ADAR: variants seen among roughly 807,000 people sequenced by gnomAD.
ADAR encodes adenosine deaminase RNA specific, also known as double-stranded RNA-specific adenosine deaminase.
In ADAR, 41 loss-of-function variants were observed where a neutral mutation model predicts 113.2. That is an observed-to-expected ratio of 0.36 (90% confidence interval 0.28 to 0.47). The LOEUF is 0.47. Among genes scored for constraint, ADAR ranks in the 20% least tolerant of loss-of-function variants. The probability of loss-of-function intolerance (pLI) is 1.00; values close to 1 mark genes in which losing one functional copy is unlikely to be tolerated. For missense variants in ADAR, 1,242 were observed against 1,540.9 expected (o/e 0.81, Z 3.25); for synonymous variants, 605 against 572.6 (o/e 1.06, Z -0.81).
intron 4 of ADAR, 129 bp from the exon 5 acceptor site, chr1:154,597,396 T>C: frequency 8.8e-7 from 1 of 1,135,314 alleles, no homozygotes; most frequent in Non-Finnish European, 1.3e-6. Flanking sequence ...TGCAGTCACA[T>C]CTCATGCAGT....
chr1:154,585,365 G>C lies in ADAR; in HGVS notation c.3316-21C>G, dbSNP rs183396506. 20 of 1,613,952 alleles carry C rather than the reference G, an allele frequency of 1.2e-5. No homozygotes were observed. The South Asian group carries it at 2.2e-4, about 18-fold the overall frequency. ...CCAACCTAGGAATCCCAGAAGCAAC[G>C]GGAGAAAGATGGAAACCTTTCAGGA... On this transcript the variant is annotated intron_variant, in intron 13 of 14. Transcript: ENST00000368474.
At chr1:154,587,246 G>A (rs988797825) in intron 11 of ADAR, among the ~76,000 whole-genome samples, 5 of 152,210 alleles carry the variant, frequency 3.3e-5, no homozygotes, top group African/African-American at 7.2e-5. Context: ...CATACAATAT[G>A]TGATCTTTTG....
At chr1:154,604,722 G>T (rs992618350) in intron 1 of ADAR, among the ~76,000 whole-genome samples, 1 of 151,654 alleles carries the variant, frequency 6.6e-6, no homozygotes, top group Non-Finnish European at 1.5e-5. Flanking sequence ...CTGTATTAAC[G>T]GATCCACCCT....
rs746559274 is a variant in ADAR at position 154,601,157 on chromosome 1, T to C, written c.1485A>G (p.Lys495=). ...HGLPRCSPYK[K]LTECQLKNPI... ...GGTTCTTCAGCTGGCACTCTGTCAG[T>C]TTCTTGTAGGGTGAACACCGTGGCA... The change falls in exon 2 of 15, where the codon AAA becomes AAG. Residue 495 remains lysine, a synonymous_variant. Transcript: ENST00000368474. The surrounding 1 kb of genome is among the most constrained non-coding windows in gnomAD (Gnocchi z 4.7). 9.9e-6 allele frequency: 16 copies of C among 1,614,168 alleles called. No homozygotes were observed. The highest frequency in any genetic ancestry group is 1.4e-5 in the Non-Finnish European group (16 of 1,180,032).
chr1:154,610,808 C>CAAAAAAAAA (rs1369386387), upstream of ADAR, among the ~76,000 whole-genome samples: 303 of 40,502 alleles, frequency 7.5e-3, 30 homozygotes, highest in East Asian at 0.012. Flanking sequence ...GACACCGTCT[C>CAAAAAAAAA]AAAAAAAAAA....
chr1:154,617,116 C>A (rs1273303340), intron 1 of ADAR, among the ~76,000 whole-genome samples: 1 of 152,166 alleles, frequency 6.6e-6, no homozygotes, highest in Non-Finnish European at 1.5e-5. Flanking sequence ...TTATCAAAAA[C>A]CCCTGCAAGC....
rs1696949458 is a variant in ADAR at position 154,589,024 on chromosome 1, G to A, written c.2762+345C>T. Among the ~76,000 whole-genome samples, 4 of 152,238 alleles carry A rather than the reference G, an allele frequency of 2.6e-5. No homozygotes were observed. In the South Asian group the frequency reaches 8.3e-4, roughly 32 times the overall value. ...AGGAGAAAGCTGGCAGGGGCATCAA[G>A]GTTGTGTAGGTCCTCAAACGGAAAT... On this transcript the variant is annotated intron_variant, in intron 9 of 14. Coordinates refer to ENST00000368474, the MANE Select transcript of ADAR (RefSeq NM_001111.5).
chr1:154,623,767 C>G (rs1166228664), intron 1 of ADAR, among the ~76,000 whole-genome samples: 1 of 152,158 alleles, frequency 6.6e-6, no homozygotes, highest in Non-Finnish European at 1.5e-5. Context: ...CTTTGGGAGG[C>G]TGAGGCGGGT....
intron 1 of ADAR, among the ~76,000 whole-genome samples, chr1:154,617,457 C>T (rs186932071): frequency 2.6e-4 from 39 of 152,246 alleles, no homozygotes; most frequent in South Asian, 6.2e-4. Flanking sequence ...TCACCTTTCC[C>T]TCCTAAGCTG....
Position 154,597,287 on chromosome 1 carries a change from G to T in ADAR, c.1935-20C>A. ...TGGAACCTGACAGGAGATGAAGCAC[G>T]TAGAAGGATTAAAATGGTTTTGACT... On this transcript the variant is annotated intron_variant, in intron 4 of 14. Coordinates refer to ENST00000368474, the MANE Select transcript of ADAR (RefSeq NM_001111.5). 1 of 1,614,024 alleles carries T rather than the reference G, an allele frequency of 6.2e-7. No homozygotes were observed. The highest frequency in any genetic ancestry group is 8.5e-7 in the Non-Finnish European group (1 of 1,180,014).
rs991135770 is a variant in ADAR at position 154,582,953 on chromosome 1, G to T, written c.*1853C>A. 6.6e-6 allele frequency: 1 copy of T among 152,236 alleles called. No homozygotes were observed. The highest frequency in any genetic ancestry group is 2.4e-5 in the African/African-American group (1 of 41,448). The allele number at this position is 152,236 out of a possible 1,614,324, so 9.4% of individuals were successfully genotyped here. A position where few individuals can be genotyped will look rare whatever the true frequency, so the allele number is the denominator to read the frequency against. On this transcript the variant is annotated 3_prime_UTR_variant, in exon 15 of 15. Coordinates refer to ENST00000368474, the MANE Select transcript of ADAR (RefSeq NM_001111.5). ...TTGGTGTTCTGCAAAGGCATCCTTAGTCTATTTTTAGAACTTGCATTTTCT... is the reference window on the plus strand; with the variant it reads ...TTGGTGTTCTGCAAAGGCATCCTTATTCTATTTTTAGAACTTGCATTTTCT...
intron 10 of ADAR, 77 bp downstream of exon 10, chr1:154,588,474 G>A (rs974945854): frequency 7.5e-6 from 12 of 1,592,564 alleles, no homozygotes; most frequent in Non-Finnish European, 1.0e-5. Context: ...TCGATTTACA[G>A]GCCAGGAGAG....
In ADAR at chr1:154,583,678, G is replaced by A. The variant is rs1696553618; in HGVS notation, c.*1128C>T. On this transcript the variant is annotated 3_prime_UTR_variant, in exon 15 of 15. Transcript: ENST00000368474. Reference sequence around the variant, plus strand: ...GAATTTTAAATCTGCTCAATTACAGGTTATCTGTAGCAGTTAAGAATCAAC... The same window carrying A: ...GAATTTTAAATCTGCTCAATTACAGATTATCTGTAGCAGTTAAGAATCAAC... 6.6e-6 allele frequency: 1 copy of A among 152,126 alleles called. No homozygotes were observed. The highest frequency in any genetic ancestry group is 1.5e-5 in the Non-Finnish European group (1 of 68,030). The allele number at this position is 152,126 out of a possible 1,614,324, so 9.4% of individuals were successfully genotyped here. A position where few individuals can be genotyped will look rare whatever the true frequency, so the allele number is the denominator to read the frequency against.
chr1:154,601,535 C>T lies in ADAR; in HGVS notation c.1107G>A (p.Thr369=), dbSNP rs181731036. 137 of 1,613,326 alleles carry T rather than the reference C, an allele frequency of 8.5e-5. No individual in the cohort carries two copies. The highest frequency in any genetic ancestry group is 1.1e-4 in the Non-Finnish European group (132 of 1,180,030). ...CTGGAGCGGTTTCAGGAACACTGTT[C>T]GTATTTCTCTTGATTTGCATCCTCT... ...KRERMQIKRN[T]NSVPETAPAA... The change falls in exon 2 of 15, where the codon ACG becomes ACA. Residue 369 remains threonine (T), a synonymous_variant. Coordinates refer to ENST00000368474, the MANE Select transcript of ADAR (RefSeq NM_001111.5). This position sits in a 1 kb window ranked among gnomAD's most constrained non-coding sequence, Gnocchi z 4.7.
At chr1:154,623,578 T>C (rs1039543285) in intron 1 of ADAR, among the ~76,000 whole-genome samples, 1 of 152,212 alleles carries the variant, frequency 6.6e-6, no homozygotes, top group Non-Finnish European at 1.5e-5. Flanking sequence ...AGTGAGCCTA[T>C]GATGTAGACC....
chr1:154,602,739 T>A, intron 1 of ADAR, 113 bp from the exon 2 acceptor site: 4 of 1,347,334 alleles, frequency 3.0e-6, no homozygotes, highest in Non-Finnish European at 4.1e-6. Context: ...GAGAAGGCAA[T>A]TGAGCCATGG....
chr1:154,627,557 G>A (rs1698979411), intron 1 of ADAR, among the ~76,000 whole-genome samples: 1 of 152,180 alleles, frequency 6.6e-6, no homozygotes, highest in African/African-American at 2.4e-5. Flanking sequence ...GCTGGGCTCC[G>A]GCTGGCACGA....
Position 154,602,638 on chromosome 1 carries a change from G to C in ADAR, c.16-12C>G, listed in dbSNP as rs202076652. 17 of 1,613,180 alleles carry C rather than the reference G, an allele frequency of 1.1e-5. No individual in the cohort carries two copies. The highest frequency in any genetic ancestry group is 1.4e-5 in the Non-Finnish European group (17 of 1,180,020). On this transcript the variant is annotated splice_polypyrimidine_tract_variant and intron_variant, in intron 1 of 14. Coordinates refer to ENST00000368474, the MANE Select transcript of ADAR (RefSeq NM_001111.5). ...CTGAGGGAATACCCCTGCAGAATAA[G>C]ACAGTGGAAAAAGAAAATGAATTAG...
chr1:154,610,209 A>G (rs911509944), upstream of ADAR, among the ~76,000 whole-genome samples: 1 of 152,230 alleles, frequency 6.6e-6, no homozygotes, highest in South Asian at 2.1e-4. Flanking sequence ...TCACTACAGG[A>G]AACCAGTTTA....
Sources: allele counts gnomAD v4.1 joint callset (sites outside exome capture counted in the v4.1 genomes callset), GRCh38; gene constraint gnomAD v4.1.1; non-coding constraint Gnocchi (gnomAD v3.1); transcripts MANE v1.5; gene names NCBI Gene and HGNC (gene_info 2026-07-23, HGNC 2026-07-21).